Variants in HADH observed in about 807,000 individuals in gnomAD.
The protein encoded by HADH is hydroxyacyl-coenzyme A dehydrogenase, mitochondrial.
In HADH, 24 loss-of-function variants were observed where a neutral mutation model predicts 32.2. That is an observed-to-expected ratio of 0.75 (90% CI 0.54 to 1.05). The LOEUF is 1.05. Ranked by LOEUF, HADH falls within the 50% of genes least tolerant of loss-of-function variation. The pLI, the probability that HADH is intolerant of heterozygous loss-of-function variation, is 0.00. For synonymous variants in HADH, 139 were observed against 152.5 expected, an observed-to-expected ratio of 0.91 and a Z score of 0.65; for missense variants, 350 against 397.1, an observed-to-expected ratio of 0.88 and a Z score of 1.01.
chr4:108,027,475 A>G, intron 5 of HADH: 3 of 614,608 alleles, frequency 4.9e-6, no homozygotes, highest in Non-Finnish European at 8.8e-6. Context: ...GCAGTGGGGC[A>G]TCTGGGTTTG....
At chr4:108,020,612 G>T (rs2126232750) in intron 4 of HADH, among the ~76,000 whole-genome samples, 1 of 152,328 alleles carries the variant, frequency 6.6e-6, no homozygotes, top group African/African-American at 2.4e-5. Context: ...ACTCCAATAT[G>T]TTGGAGTTGG....
At chr4:108,030,744 G>T (rs1219874078) in intron 6 of HADH, 3 of 152,184 alleles carry the variant, frequency 2.0e-5, no homozygotes. Context: ...TATGGAAAGG[G>T]TGTCTGATTG....
chr4:108,011,514 G>C (rs1010381109), intron 2 of HADH, among the ~76,000 whole-genome samples: 1 of 152,136 alleles, frequency 6.6e-6, no homozygotes, highest in African/African-American at 2.4e-5. Context: ...AGATCTGGGT[G>C]GGGACACAGA....
intron 1 of HADH, among the ~76,000 whole-genome samples, chr4:108,007,221 C>T (rs558637337): frequency 1.3e-5 from 2 of 152,190 alleles, no homozygotes; most frequent in Non-Finnish European, 2.9e-5. Context: ...ATTCTCCTGC[C>T]TCAGCCTCCC....
intron 2 of HADH, 92 bp from the exon 3 acceptor site, chr4:108,014,339 A>G (rs1214215137): frequency 7.2e-7 from 1 of 1,397,570 alleles, no homozygotes; most frequent in Non-Finnish European, 1.0e-6. Context: ...TGCTCTGAAC[A>G]CCCAGTTTGC....
At chr4:108,009,709 G>A (rs549620245) in intron 1 of HADH, 50 bp from the exon 2 acceptor site, 80 of 1,586,720 alleles carry the variant, frequency 5.0e-5, no homozygotes, top group African/African-American at 2.3e-4. Context: ...GTGCGCGTGC[G>A]TGTTATGTTT....
rs1275038972 is a variant in HADH, at chr4:107,989,956, C to A, written c.24C>A (p.Phe8Leu). The A allele has an allele frequency of 1.9e-6, 3 of 1,613,034 alleles. No homozygotes were observed. Among genetic ancestry groups the A allele is most frequent in the Non-Finnish European group, 2.5e-6 (3 of 1,179,660 alleles). The stretch of plus-strand genomic sequence containing the variant: ...CCATGGCCTTCGTCACCAGGCAGTT[C>A]ATGCGTTCCGTGTCCTCCTCGTCCA... MAFVTRQFMRSVSSSSTA... is the reference protein window; with the variant it reads MAFVTRQLMRSVSSSSTA... Residue 8 changes from phenylalanine to leucine, a missense_variant, in exon 1 of 8, where the codon TTC becomes TTA. Phe to Leu is a conservative substitution (Grantham distance 22). Coordinates refer to ENST00000309522, the MANE Select transcript of HADH (RefSeq NM_005327.7).
chr4:108,024,911 A>C (rs75702913), intron 5 of HADH: 2,849 of 152,296 alleles, frequency 0.019, 49 homozygotes, highest in Middle Eastern at 0.048. Context: ...TTATCTTGTT[A>C]GGTCATTCCA....
intron 1 of HADH, among the ~76,000 whole-genome samples, chr4:107,992,454 C>T (rs1734843000): frequency 6.6e-6 from 1 of 152,198 alleles, no homozygotes; most frequent in South Asian, 2.1e-4. Context: ...GGCAGTATTG[C>T]TTCATTCTTT....
Position 108,034,647 on chromosome 4 carries a change from T to C in HADH, c.*290T>C. 1 of 373,916 alleles carries C rather than the reference T, an allele frequency of 2.7e-6. No individual in the cohort carries two copies. Among genetic ancestry groups the C allele is most frequent in the South Asian group, 2.1e-5 (1 of 47,350 alleles). The allele number at this position is 373,916 out of a possible 1,614,324, so 23.2% of individuals were successfully genotyped here. Reference sequence around the variant, plus strand: ...ACATGTTTTTTGAACCTTGTCATTTTTGTGAAGAATTGCCTAGATTCCTTC... The same window carrying C: ...ACATGTTTTTTGAACCTTGTCATTTCTGTGAAGAATTGCCTAGATTCCTTC... On this transcript the variant is annotated 3_prime_UTR_variant, in exon 8 of 8. Transcript: ENST00000309522.
rs1038367812 is a variant in HADH, at chr4:108,019,562, A to G, written c.442A>G (p.Thr148Ala). The stretch of plus-strand genomic sequence containing the variant: ...CAGACATACAATCTTTGCCAGCAAC[A>G]CTTCCTCCTTGCAGATTACAAGCAT... ...AAEHTIFASN[T>A]SSLQITSIAN... The change falls in exon 4 of 8, where the codon ACT (threonine) becomes GCT (alanine). Residue 148 changes from threonine to alanine, a missense_variant. Physicochemically the swap from Thr to Ala is moderately conservative, Grantham distance 58. Coordinates refer to ENST00000309522, the MANE Select transcript of HADH (RefSeq NM_005327.7). The G allele has an allele frequency of 1.2e-6, 2 of 1,613,730 alleles. No homozygotes were observed. The highest frequency in any genetic ancestry group is 2.7e-5 in the African/African-American group (2 of 74,928).
At chr4:108,003,799 G>A (rs563271293) in intron 1 of HADH, among the ~76,000 whole-genome samples, 3 of 133,206 alleles carry the variant, frequency 2.3e-5, no homozygotes, top group South Asian at 5.2e-4. Context: ...GAAGAAGGGG[G>A]CAGCCCAGAA....
At chr4:108,011,595 T>C (rs1735495636) in intron 2 of HADH, among the ~76,000 whole-genome samples, 3 of 152,366 alleles carry the variant, frequency 2.0e-5, no homozygotes, top group Admixed American at 6.5e-5. Flanking sequence ...TTTTGAATAA[T>C]GCTGCAGTGA....
At chr4:107,995,969 C>T (rs1339882150) in intron 1 of HADH, among the ~76,000 whole-genome samples, 2 of 152,178 alleles carry the variant, frequency 1.3e-5, no homozygotes, top group African/African-American at 4.8e-5. Context: ...CTCAAACTCA[C>T]CTGCCAAGAT....
intron 2 of HADH, among the ~76,000 whole-genome samples, chr4:108,010,149 AGGT>A (rs1424489303): frequency 6.6e-6 from 1 of 152,128 alleles, no homozygotes; most frequent in Non-Finnish European, 1.5e-5. Context: ...TTGTACATAC[AGGT>A]GGTGAACTCA....
chr4:107,992,356 C>T (rs1734841296), intron 1 of HADH, among the ~76,000 whole-genome samples: 1 of 152,238 alleles, frequency 6.6e-6, no homozygotes, highest in Admixed American at 6.5e-5. Flanking sequence ...TAGTTGACAG[C>T]TCCAATCCTC....
chr4:107,990,004 GA>G lies in HADH; in HGVS notation c.73del (p.Ile25Ter), dbSNP rs1164606886. 6.2e-7 allele frequency: 1 copy of G among 1,612,424 alleles called. No individual in the cohort carries two copies. The highest frequency in any genetic ancestry group is 8.5e-7 in the Non-Finnish European group (1 of 1,179,524). ...SSTASASAKKIIVKHVTVIGG... is the reference protein window; with the variant it reads ...SSTASASAKKXIVKHVTVIGG... ...CCACCGCCTCGGCCTCGGCCAAGAA[GA>G]TAATCGTCAAGCACGTGACGGTCAT... On this transcript the variant is annotated frameshift_variant, in exon 1 of 8. Transcript: ENST00000309522. LOFTEE classifies it high-confidence loss of function.
At chr4:108,009,731 A>G (rs747421829) in intron 1 of HADH, 28 bp from the exon 2 acceptor site, 1 of 1,611,732 alleles carries the variant, frequency 6.2e-7, no homozygotes, top group Non-Finnish European at 8.5e-7. Flanking sequence ...CTTTCTTTTA[A>G]AAAGAAATTG....
chr4:108,001,329 G>T (rs1000829468), intron 1 of HADH, among the ~76,000 whole-genome samples: 1 of 152,198 alleles, frequency 6.6e-6, no homozygotes, highest in African/African-American at 2.4e-5. Context: ...AGAACGATTG[G>T]AATTTCAGAA....
Sources: allele counts gnomAD v4.1 joint callset (sites outside exome capture counted in the v4.1 genomes callset), GRCh38; gene constraint gnomAD v4.1.1; transcripts MANE v1.5; gene names NCBI Gene and HGNC (gene_info 2026-07-23, HGNC 2026-07-21).